CNTNAP2: variants seen among roughly 807,000 people sequenced by gnomAD.
The protein encoded by CNTNAP2 is contactin associated protein 2, also known as contactin-associated protein-like 2.
In CNTNAP2, 98 loss-of-function variants were observed where a neutral mutation model predicts 155.2. The ratio of observed to expected loss-of-function variants is 0.63; its 90% confidence interval spans 0.54 to 0.75. The LOEUF (loss-of-function observed/expected upper bound fraction) is 0.75. Ranked by LOEUF, CNTNAP2 falls within the 30% of genes least tolerant of loss-of-function variation. CNTNAP2 has a pLI of 0.00. For synonymous variants in CNTNAP2, 651 were observed against 631.2 expected, an observed-to-expected ratio of 1.03 and a Z score of -0.47; for missense variants, 1,727 against 1,688.1, an observed-to-expected ratio of 1.02 and a Z score of -0.40.
intron 13 of CNTNAP2, among the ~76,000 whole-genome samples, chr7:147,640,003 G>A (rs1023489868): frequency 6.6e-6 from 1 of 151,858 alleles, no homozygotes; most frequent in Non-Finnish European, 1.5e-5. Flanking sequence ...CTCTGTGTCT[G>A]TAGTAAAACA....
intron 1 of CNTNAP2, among the ~76,000 whole-genome samples, chr7:146,246,568 C>T (rs1026156943): frequency 7.5e-4 from 113 of 151,088 alleles, no homozygotes; most frequent in African/African-American, 1.1e-3. Context: ...CAGACTTACC[C>T]TCCACTGTGA....
chr7:147,765,527 G>T (rs1033303002), intron 13 of CNTNAP2, among the ~76,000 whole-genome samples: 3 of 152,266 alleles, frequency 2.0e-5, no homozygotes, highest in Admixed American at 6.5e-5. Flanking sequence ...GAAAACCACA[G>T]TGATATACCA....
At chr7:147,808,128 CTATA>C in intron 13 of CNTNAP2, among the ~76,000 whole-genome samples, 1 of 152,164 alleles carries the variant, frequency 6.6e-6, no homozygotes, top group Middle Eastern at 3.4e-3. Flanking sequence ...TCTATATATA[CTATA>C]TATATGAAGT....
In CNTNAP2 at chr7:147,225,788, AAGGAAGGAAG is replaced by A. The variant is rs1563123699; in HGVS notation, c.1349-74352_1349-74343del. On this transcript the variant is annotated intron_variant, in intron 8 of 23. Coordinates refer to ENST00000361727, the MANE Select transcript of CNTNAP2 (RefSeq NM_014141.6). ...GAAGGAAGGAAGGAAGGAAGGAAGG[AAGGAAGGAAG>A]GAAAGAAAGAAAGAAGGAAAGAAGG... 1.2e-4 allele frequency among the ~76,000 whole-genome samples: 16 copies of A among 128,684 alleles called. 1 individual carries two copies. Among genetic ancestry groups the A allele is most frequent in the Non-Finnish European group, 1.7e-4 (10 of 57,396 alleles). 84.4% of individuals were successfully genotyped at this position (128,684 alleles called of 152,430 possible).
chr7:146,422,599 C>T (rs1404007354), intron 1 of CNTNAP2, among the ~76,000 whole-genome samples: 1 of 151,846 alleles, frequency 6.6e-6, no homozygotes, highest in Non-Finnish European at 1.5e-5. Context: ...GCACACAACA[C>T]AAAATATCCA....
chr7:147,857,519 C>T (rs117182790), intron 13 of CNTNAP2, among the ~76,000 whole-genome samples: 23 of 152,270 alleles, frequency 1.5e-4, no homozygotes, highest in Non-Finnish European at 3.2e-4. Context: ...GGTTCATCAT[C>T]AAAATAAACC....
chr7:146,672,597 C>T (rs1002167593), intron 1 of CNTNAP2, among the ~76,000 whole-genome samples: 1 of 152,114 alleles, frequency 6.6e-6, no homozygotes, highest in Non-Finnish European at 1.5e-5. Flanking sequence ...GGGTTATCCT[C>T]CTTTTTGAAA....
chr7:148,057,950 CTTATTA>C (rs60012733), intron 15 of CNTNAP2, among the ~76,000 whole-genome samples: 7,454 of 142,702 alleles, frequency 0.052, 218 homozygotes, highest in South Asian at 0.15. Context: ...CAGCTTCCAG[CTTATTA>C]TTATTATTAT....
At chr7:146,419,126 C>T (rs1795976438) in intron 1 of CNTNAP2, among the ~76,000 whole-genome samples, 4 of 151,942 alleles carry the variant, frequency 2.6e-5, no homozygotes, top group Admixed American at 2.6e-4. Flanking sequence ...CTCAGGGTTC[C>T]ACATGGCTAG....
chr7:148,086,179 A>G (rs1803725175), intron 15 of CNTNAP2, among the ~76,000 whole-genome samples: 1 of 152,210 alleles, frequency 6.6e-6, no homozygotes. Flanking sequence ...TGTCCTTATG[A>G]TAATTGATAG....
At chr7:147,072,252 A>G (rs1198111309) in intron 4 of CNTNAP2, among the ~76,000 whole-genome samples, 1 of 152,070 alleles carries the variant, frequency 6.6e-6, no homozygotes, top group Non-Finnish European at 1.5e-5. Flanking sequence ...TTGAAGGGTG[A>G]TTTGGTATGA....
intron 13 of CNTNAP2, among the ~76,000 whole-genome samples, chr7:147,881,196 A>T: frequency 6.6e-6 from 1 of 152,212 alleles, no homozygotes; most frequent in South Asian, 2.1e-4. Flanking sequence ...AAATAGATAC[A>T]TGTGTTTTGT....
At chr7:146,972,315 A>T (rs1211945831) in intron 3 of CNTNAP2, among the ~76,000 whole-genome samples, 1 of 152,226 alleles carries the variant, frequency 6.6e-6, no homozygotes, top group East Asian at 1.9e-4. Flanking sequence ...TTCATTTAAA[A>T]TAAAATTGTA....
At position 148,415,896 on chromosome 7, in the gene CNTNAP2, T is replaced by TA; in HGVS notation, c.*281dup. The TA allele has an allele frequency of 1.9e-6, 1 of 532,372 alleles. No homozygotes were observed. Among genetic ancestry groups the TA allele is most frequent in the Non-Finnish European group, 3.3e-6 (1 of 299,352 alleles). 33.0% of individuals were successfully genotyped at this position (532,372 alleles called of 1,614,324 possible). On this transcript the variant is annotated 3_prime_UTR_variant, in exon 24 of 24. Coordinates refer to ENST00000361727, the MANE Select transcript of CNTNAP2 (RefSeq NM_014141.6). ...AGCAATGGTTGAAATTTGTAGGTAC[T>TA]ATCTGTCTTATTTTGTGTGTGTTTA...
intron 12 of CNTNAP2, among the ~76,000 whole-genome samples, chr7:147,589,706 TTCTC>T (rs754446983): frequency 1.3e-5 from 2 of 152,170 alleles, no homozygotes; most frequent in Admixed American, 1.3e-4. Context: ...AGCTTTTGGA[TTCTC>T]TCTAAGTTTT....
At chr7:147,500,853 C>T (rs1036603853) in intron 11 of CNTNAP2, among the ~76,000 whole-genome samples, 3 of 152,004 alleles carry the variant, frequency 2.0e-5, no homozygotes, top group South Asian at 2.1e-4. Flanking sequence ...TTTGTTCTAT[C>T]AAAAAATATC....
At chr7:146,603,589 A>C (rs894462151) in intron 1 of CNTNAP2, among the ~76,000 whole-genome samples, 2 of 150,534 alleles carry the variant, frequency 1.3e-5, no homozygotes, top group African/African-American at 4.9e-5. Context: ...GTTCATATGG[A>C]ACCAAAAAAG....
At chr7:146,310,155 T>A (rs986043618) in intron 1 of CNTNAP2, among the ~76,000 whole-genome samples, 20 of 152,176 alleles carry the variant, frequency 1.3e-4, no homozygotes, top group Admixed American at 1.2e-3. Context: ...TACAATATCT[T>A]TGAATGAAAA....
intron 11 of CNTNAP2, chr7:147,496,543 T>C (rs1798711180): frequency 6.6e-6 from 1 of 152,234 alleles, no homozygotes; most frequent in Non-Finnish European, 1.5e-5. Flanking sequence ...AGTATGATCT[T>C]AGGTAACAAA....
Sources: gnomAD v4.1 joint callset for allele counts (sites outside exome capture counted in the v4.1 genomes callset) on GRCh38, gnomAD v4.1.1 for gene constraint, MANE v1.5 for transcripts, NCBI Gene and HGNC (gene_info 2026-07-23, HGNC 2026-07-21) for gene names.